The following STK31 variants were observed in gnomAD, a reference collection of about 807,000 sequenced individuals.
STK31 encodes the protein serine/threonine-protein kinase 31.
STK31 carries 89 observed loss-of-function variants against 129.7 expected under a neutral mutation model. The observed-to-expected ratio is 0.69, with a 90% CI of 0.58 to 0.82. The LOEUF (loss-of-function observed/expected upper bound fraction) is 0.82, where lower values mean the gene tolerates loss of function less well. Among genes scored for constraint, STK31 ranks in the 40% least tolerant of loss-of-function variants. The pLI, the probability that STK31 is intolerant of heterozygous loss-of-function variation, is 0.00. For synonymous variants in STK31, 448 were observed against 395.3 expected, an observed-to-expected ratio of 1.13 and a Z score of -1.58; for missense variants, 1,187 against 1,176.4, an observed-to-expected ratio of 1.01 and a Z score of -0.13.
At chr7:23,750,205 C>T (rs999286830) in intron 8 of STK31, among the ~76,000 whole-genome samples, 1 of 152,010 alleles carries the variant, frequency 6.6e-6, no homozygotes, top group African/African-American at 2.4e-5. Context: ...CTGGATGCCC[C>T]TGGAGCTTTC....
chr7:23,805,110 C>G (rs1416310618), intron 22 of STK31, among the ~76,000 whole-genome samples: 1 of 151,112 alleles, frequency 6.6e-6, no homozygotes, highest in Non-Finnish European at 1.5e-5. Context: ...GAGTCTTGCT[C>G]TGTCGCCCAG....
At chr7:23,831,437 T>A (rs979755540) in intron 23 of STK31, among the ~76,000 whole-genome samples, 4 of 152,202 alleles carry the variant, frequency 2.6e-5, no homozygotes, top group Admixed American at 2.6e-4. Flanking sequence ...CCTGCTTGCT[T>A]TTGGTTTCCT....
intron 8 of STK31, 61 bp downstream of exon 8, chr7:23,737,139 G>A: frequency 7.4e-7 from 1 of 1,359,004 alleles, no homozygotes; most frequent in South Asian, 2.0e-5. Context: ...CTCATCTGCT[G>A]CTATTTATTT....
At chr7:23,741,015 T>C (rs1788024433) in intron 8 of STK31, among the ~76,000 whole-genome samples, 1 of 152,190 alleles carries the variant, frequency 6.6e-6, no homozygotes, top group African/African-American at 2.4e-5. Flanking sequence ...GGTTATTTGT[T>C]CTCCTTAAGT....
At position 23,786,954 on chromosome 7, in the gene STK31, G is replaced by C. The variant is rs150901660; in HGVS notation, c.2487+30G>C. ...GTAAAAAGCACTATTTATTTCCATG[G>C]ATGTATTAAATGAGAAAATAACACC... On this transcript the variant is annotated intron_variant, in intron 20 of 23. Transcript: ENST00000355870. 1,165 of 1,587,346 alleles carry C rather than the reference G, an allele frequency of 7.3e-4. 10 individuals are homozygous for C. The African/African-American group carries it at 0.014, about 20-fold the overall frequency.
intron 23 of STK31, among the ~76,000 whole-genome samples, chr7:23,828,976 T>G (rs1424955239): frequency 6.6e-6 from 1 of 152,128 alleles, no homozygotes; most frequent in Non-Finnish European, 1.5e-5. Flanking sequence ...CTCAGCGCGC[T>G]GCAACCTCCA....
chr7:23,727,556 CTTTTTTTTTTTTTTTT>C, intron 5 of STK31: 1 of 134,988 alleles, frequency 7.4e-6, no homozygotes, highest in Non-Finnish European at 1.2e-5. Flanking sequence ...TACCTCAGTT[CTTTTTTTTTTTTTTTT>C]TTTTTTTTGA....
At chr7:23,776,238 T>C (rs1790534289) in intron 15 of STK31, among the ~76,000 whole-genome samples, 1 of 152,260 alleles carries the variant, frequency 6.6e-6, no homozygotes, top group South Asian at 2.1e-4. Flanking sequence ...GCCAGTATTT[T>C]ATTGAGGATT....
intron 22 of STK31, among the ~76,000 whole-genome samples, chr7:23,809,200 C>T (rs958505954): frequency 1.3e-5 from 2 of 150,908 alleles, no homozygotes; most frequent in Non-Finnish European, 3.0e-5. Context: ...TGTGACTACT[C>T]CTTGGCTGGA....
chr7:23,711,895 A>G (rs1785989084), intron 1 of STK31, among the ~76,000 whole-genome samples: 1 of 152,150 alleles, frequency 6.6e-6, no homozygotes, highest in African/African-American at 2.4e-5. Flanking sequence ...GATAGAGATT[A>G]TATATGATAA....
chr7:23,807,342 T>C (rs1465474574), intron 22 of STK31, among the ~76,000 whole-genome samples: 1 of 152,202 alleles, frequency 6.6e-6, no homozygotes, highest in Admixed American at 6.5e-5. Context: ...TTGGTAGTTC[T>C]TTTTCTTTTA....
chr7:23,721,795 C>T (rs1467051635), intron 4 of STK31: 1 of 624,224 alleles, frequency 1.6e-6, no homozygotes, highest in Non-Finnish European at 3.0e-6. Context: ...GTTAACTGAT[C>T]CTCTACAGGC....
intron 4 of STK31, among the ~76,000 whole-genome samples, chr7:23,725,342 C>G (rs972498918): frequency 2.9e-4 from 32 of 109,662 alleles, no homozygotes; most frequent in African/African-American, 1.1e-3. Flanking sequence ...CAAAACCAGT[C>G]TTGGGCAACA....
At chr7:23,743,047 A>G (rs369860478) in intron 8 of STK31, among the ~76,000 whole-genome samples, 4 of 150,730 alleles carry the variant, frequency 2.7e-5, no homozygotes, top group East Asian at 1.9e-4. Flanking sequence ...CCACCTCCCA[A>G]GTTCAAGCAG....
chr7:23,787,905 T>G, intron 20 of STK31, 75 bp from the exon 21 acceptor site: 2 of 1,402,034 alleles, frequency 1.4e-6, no homozygotes, highest in Non-Finnish European at 1.9e-6. Context: ...AGAGCAGTCT[T>G]TTAATTAGAG....
chr7:23,781,582 C>T (rs2128108619), intron 16 of STK31, 62 bp downstream of exon 16: 5 of 1,243,478 alleles, frequency 4.0e-6, no homozygotes, highest in Non-Finnish European at 4.6e-6. Flanking sequence ...AATTTAAATA[C>T]CCGTTTTATG....
chr7:23,731,085 T>C (rs1241405395), intron 6 of STK31, among the ~76,000 whole-genome samples: 2 of 151,580 alleles, frequency 1.3e-5, no homozygotes, highest in Non-Finnish European at 2.9e-5. Flanking sequence ...GGTTTCACCA[T>C]GTTGGCCAGG....
intron 5 of STK31, among the ~76,000 whole-genome samples, chr7:23,728,348 G>A (rs1787212655): frequency 6.6e-6 from 1 of 152,018 alleles, no homozygotes; most frequent in Non-Finnish European, 1.5e-5. Context: ...ATTTTCTTTG[G>A]TGTGATAAGA....
chr7:23,822,150 A>G (rs2128130431), intron 23 of STK31, among the ~76,000 whole-genome samples: 1 of 151,978 alleles, frequency 6.6e-6, no homozygotes, highest in Non-Finnish European at 1.5e-5. Context: ...GAAATTTAGG[A>G]TTTTTTTCTA....
Sources: gnomAD v4.1 joint callset for allele counts (sites outside exome capture counted in the v4.1 genomes callset) on GRCh38, gnomAD v4.1.1 for gene constraint, MANE v1.5 for transcripts, NCBI Gene and HGNC (gene_info 2026-07-23, HGNC 2026-07-21) for gene names.